Variants in RFX4 observed in about 807,000 individuals in gnomAD.
The protein encoded by RFX4 is transcription factor RFX4.
In RFX4, 10 loss-of-function variants were observed where a neutral mutation model predicts 95.0. The ratio of observed to expected loss-of-function variants is 0.11; its 90% confidence interval spans 0.06 to 0.18. RFX4 has a LOEUF of 0.18. RFX4 is among the 10% of genes least tolerant of loss of function. The probability of loss-of-function intolerance (pLI) is 1.00; values close to 1 mark genes in which losing one functional copy is unlikely to be tolerated. For synonymous variants in RFX4, 321 were observed against 340.7 expected, an observed-to-expected ratio of 0.94 and a Z score of 0.64; for missense variants, 640 against 922.0, an observed-to-expected ratio of 0.69 and a Z score of 3.96.
At chr12:106,656,747 G>A (rs1036846882) in intron 4 of RFX4, among the ~76,000 whole-genome samples, 2 of 151,712 alleles carry the variant, frequency 1.3e-5, no homozygotes, top group African/African-American at 4.8e-5. Flanking sequence ...TCTCTCTTCT[G>A]CGATCTTTGG....
chr12:106,614,577 C>T (rs1005899747), intron 2 of RFX4, among the ~76,000 whole-genome samples: 9 of 151,262 alleles, frequency 5.9e-5, no homozygotes, highest in African/African-American at 2.2e-4. Context: ...GGCGCGATCT[C>T]GGCTCACTGC....
rs2043211638 is a variant in RFX4, at chr12:106,761,804, C to G, written c.*335C>G. 1 of 154,068 alleles carries G rather than the reference C, an allele frequency of 6.5e-6. No individual in the cohort carries two copies. Among genetic ancestry groups the G allele is most frequent in the African/African-American group, 2.4e-5 (1 of 41,494 alleles). 9.5% of individuals were successfully genotyped at this position (154,068 alleles called of 1,614,324 possible). On this transcript the variant is annotated 3_prime_UTR_variant, in exon 18 of 18. Transcript: ENST00000392842. ...TGTGTTGGCAACCACTTCTAGTAAGCTACTGATTTTCCTGTTGACAAAATC... is the reference window on the plus strand; with the variant it reads ...TGTGTTGGCAACCACTTCTAGTAAGGTACTGATTTTCCTGTTGACAAAATC...
At position 106,620,662 on chromosome 12, in the gene RFX4, A is replaced by T. The variant is rs1405990128; in HGVS notation, c.130+11779A>T. 2.0e-5 allele frequency among the ~76,000 whole-genome samples: 3 copies of T among 152,134 alleles called. No individual in the cohort carries two copies. In the East Asian group the frequency reaches 5.8e-4, roughly 29 times the overall value. On this transcript the variant is annotated intron_variant, in intron 2 of 17. Transcript: ENST00000392842. The stretch of plus-strand genomic sequence containing the variant: ...CATGTATTGTCTTGATAAACATCTT[A>T]AAAAACAGAAAACAGGGATCGAGAG...
chr12:106,706,750 T>C, intron 8 of RFX4, among the ~76,000 whole-genome samples: 1 of 152,054 alleles, frequency 6.6e-6, no homozygotes, highest in Admixed American at 6.5e-5. Context: ...ATTTAAGAAA[T>C]AGAACAGGAC....
At chr12:106,623,141 C>T (rs1413584161) in intron 2 of RFX4, among the ~76,000 whole-genome samples, 1 of 150,700 alleles carries the variant, frequency 6.6e-6, no homozygotes, top group Admixed American at 6.6e-5. Context: ...CGGGTTCACA[C>T]CATTCTCCTG....
At position 106,731,230 on chromosome 12, in the gene RFX4, G is replaced by A. The variant is rs2042606893; in HGVS notation, c.1352-900G>A. On this transcript the variant is annotated intron_variant, in intron 13 of 17. Transcript: ENST00000392842. ...CTTGATTACAGTAGACATTAACTGA[G>A]CCCCTACCGAAGGTGCACCATTCCA... 2.0e-5 allele frequency among the ~76,000 whole-genome samples: 3 copies of A among 152,246 alleles called. No individual in the cohort carries two copies. The South Asian group carries it at 6.2e-4, about 32-fold the overall frequency.
At chr12:106,618,066 G>A (rs1019376810) in intron 2 of RFX4, among the ~76,000 whole-genome samples, 1 of 152,060 alleles carries the variant, frequency 6.6e-6, no homozygotes, top group African/African-American at 2.4e-5. Context: ...AGTCTATTTT[G>A]GTTAATGCCC....
intron 8 of RFX4, among the ~76,000 whole-genome samples, chr12:106,701,117 T>C (rs2041982665): frequency 6.6e-6 from 1 of 152,254 alleles, no homozygotes; most frequent in Non-Finnish European, 1.5e-5. Flanking sequence ...TTATTTCTCT[T>C]TGATTTTGAG....
At chr12:106,756,356 G>C (rs1226766494) in intron 17 of RFX4, among the ~76,000 whole-genome samples, 1 of 152,150 alleles carries the variant, frequency 6.6e-6, no homozygotes, top group African/African-American at 2.4e-5. Flanking sequence ...GTGGAACTGG[G>C]GACCTTGAGC....
intron 2 of RFX4, among the ~76,000 whole-genome samples, chr12:106,635,439 A>G (rs2040491801): frequency 1.3e-5 from 2 of 151,786 alleles, no homozygotes; most frequent in Non-Finnish European, 1.5e-5. Context: ...TAGCCACCCG[A>G]GTAGCTGGGA....
intron 1 of RFX4, among the ~76,000 whole-genome samples, chr12:106,606,873 G>A (rs372796398): frequency 2.0e-5 from 3 of 152,282 alleles, no homozygotes; most frequent in East Asian, 3.9e-4. Context: ...ACTCGTCCGC[G>A]TGGCTTCTTT....
intron 8 of RFX4, 136 bp from the exon 9 acceptor site, chr12:106,709,194 C>A (rs2042147276): frequency 2.9e-6 from 2 of 697,254 alleles, no homozygotes; most frequent in Non-Finnish European, 2.5e-6. Flanking sequence ...TTGGCACTGT[C>A]TCTGAGGTTG....
chr12:106,756,172 A>G (rs190942261), intron 17 of RFX4, among the ~76,000 whole-genome samples: 3 of 152,312 alleles, frequency 2.0e-5, no homozygotes, highest in Non-Finnish European at 2.9e-5. Context: ...TTGGAAAAAC[A>G]TTGCAACTGT....
intron 3 of RFX4, among the ~76,000 whole-genome samples, chr12:106,642,800 T>G (rs1233235849): frequency 6.6e-6 from 1 of 152,088 alleles, no homozygotes; most frequent in Non-Finnish European, 1.5e-5. Flanking sequence ...ACCATGACAG[T>G]GTGAAAACCA....
chr12:106,683,491 A>AAC, intron 5 of RFX4: 1 of 149,124 alleles, frequency 6.7e-6, no homozygotes, highest in African/African-American at 2.5e-5. Flanking sequence ...AAAAAAAAAA[A>AAC]AAAAACAAAC....
intron 4 of RFX4, 58 bp from the exon 5 acceptor site, chr12:106,681,935 C>G: frequency 3.2e-6 from 5 of 1,578,064 alleles, no homozygotes; most frequent in Non-Finnish European, 4.4e-6. Flanking sequence ...TTGTAAAACT[C>G]AGTCACTATG....
intron 6 of RFX4, 115 bp from the exon 7 acceptor site, chr12:106,689,172 G>A (rs2041728002): frequency 2.3e-6 from 2 of 873,194 alleles, no homozygotes; most frequent in Non-Finnish European, 1.9e-6. Flanking sequence ...GCCGGTGTTA[G>A]GTGAATTGCA....
intron 1 of RFX4, 54 bp downstream of exon 1, chr12:106,583,417 GA>G: frequency 6.7e-7 from 1 of 1,490,774 alleles, no homozygotes; most frequent in Non-Finnish European, 9.0e-7. Flanking sequence ...GGAGAAGGGA[GA>G]GGGGGAACTT....
At chr12:106,746,911 T>C (rs895939048) in intron 15 of RFX4, among the ~76,000 whole-genome samples, 2 of 152,196 alleles carry the variant, frequency 1.3e-5, no homozygotes. Flanking sequence ...CCTTCTAAAA[T>C]TTTTATTGAG....
Sources: allele counts gnomAD v4.1 joint callset (sites outside exome capture counted in the v4.1 genomes callset), GRCh38; gene constraint gnomAD v4.1.1; transcripts MANE v1.5; gene names NCBI Gene and HGNC (gene_info 2026-07-23, HGNC 2026-07-21).